The following PEX14 variants were observed in gnomAD, a reference collection of about 807,000 sequenced individuals.
The protein encoded by PEX14 is peroxisomal biogenesis factor 14.
PEX14 carries 15 observed loss-of-function variants against 49.5 expected under a neutral mutation model. The ratio of observed to expected loss-of-function variants is 0.30; its 90% CI spans 0.20 to 0.47. PEX14 has a LOEUF of 0.47. Ranked by LOEUF, PEX14 falls within the 20% of genes least tolerant of loss-of-function variation. The probability of loss-of-function intolerance (pLI) is 1.00; values close to 1 mark genes in which losing one functional copy is unlikely to be tolerated. For missense variants in PEX14, 398 were observed against 494.8 expected, an observed-to-expected ratio of 0.80 and a Z score of 1.86; for synonymous variants, 210 against 212.7, an observed-to-expected ratio of 0.99 and a Z score of 0.11.
chr1:10,541,788 C>T (rs1639023095), intron 3 of PEX14, among the ~76,000 whole-genome samples: 1 of 152,214 alleles, frequency 6.6e-6, no homozygotes. Flanking sequence ...AGACCTACGG[C>T]AGCTAGGCCA....
At chr1:10,538,594 C>G (rs1638908145) in intron 3 of PEX14, among the ~76,000 whole-genome samples, 2 of 152,226 alleles carry the variant, frequency 1.3e-5, no homozygotes, top group Non-Finnish European at 2.9e-5. Flanking sequence ...TGATCGGTGT[C>G]TGGGGAAGAA....
chr1:10,567,091 C>T (rs1385313383), intron 3 of PEX14, among the ~76,000 whole-genome samples: 1 of 152,138 alleles, frequency 6.6e-6, no homozygotes, highest in Non-Finnish European at 1.5e-5. Flanking sequence ...AGAAATAAAA[C>T]TTTATTTATG....
At chr1:10,505,901 G>A (rs567999167) in intron 2 of PEX14, among the ~76,000 whole-genome samples, 1 of 152,146 alleles carries the variant, frequency 6.6e-6, no homozygotes, top group African/African-American at 2.4e-5. Flanking sequence ...GGCTGGTCTT[G>A]AACTCCTGGC....
intron 2 of PEX14, chr1:10,528,235 C>G: frequency 2.6e-6 from 2 of 768,566 alleles, no homozygotes; most frequent in Non-Finnish European, 3.2e-6. Context: ...TCGTCTCCTT[C>G]CTAATCATCC....
intron 2 of PEX14, among the ~76,000 whole-genome samples, chr1:10,501,690 G>A (rs556304251): frequency 6.6e-6 from 1 of 152,160 alleles, no homozygotes; most frequent in African/African-American, 2.4e-5. Flanking sequence ...AGAGGCGGGA[G>A]GATTGCTTGA....
chr1:10,484,438 G>A (rs1399434416), intron 1 of PEX14, among the ~76,000 whole-genome samples: 2 of 151,728 alleles, frequency 1.3e-5, no homozygotes, highest in African/African-American at 2.4e-5. Flanking sequence ...CTCCCAATGT[G>A]TTGGGATTAC....
At chr1:10,598,537 G>A (rs188187695) in intron 3 of PEX14, among the ~76,000 whole-genome samples, 56 of 152,306 alleles carry the variant, frequency 3.7e-4, no homozygotes, top group Non-Finnish European at 7.5e-4. Flanking sequence ...TCCCATGTAT[G>A]GTGTGGTTTA....
intron 3 of PEX14, among the ~76,000 whole-genome samples, chr1:10,577,444 T>A (rs1331183307): frequency 7.2e-6 from 1 of 139,630 alleles, no homozygotes; most frequent in African/African-American, 2.7e-5. Context: ...TTCTGAGAGT[T>A]CTTGGCTTTC....
intron 2 of PEX14, chr1:10,528,412 A>G (rs545627218): frequency 2.8e-6 from 1 of 363,150 alleles, no homozygotes; most frequent in Admixed American, 6.4e-5. Context: ...GGTGGAGAGA[A>G]AGAGACTAGG....
intron 1 of PEX14, among the ~76,000 whole-genome samples, chr1:10,489,993 A>G (rs1362057349): frequency 6.6e-6 from 1 of 152,180 alleles, no homozygotes; most frequent in Non-Finnish European, 1.5e-5. Context: ...TCACTCCATC[A>G]TGACCCGAAG....
intron 3 of PEX14, among the ~76,000 whole-genome samples, chr1:10,547,169 C>T (rs1485752178): frequency 6.6e-6 from 1 of 152,150 alleles, no homozygotes; most frequent in African/African-American, 2.4e-5. Context: ...AACGACAGGA[C>T]ACTGGAATGT....
chr1:10,624,844 C>G (rs989050567), intron 7 of PEX14, among the ~76,000 whole-genome samples: 26 of 152,216 alleles, frequency 1.7e-4, no homozygotes, highest in African/African-American at 5.8e-4. Flanking sequence ...AGGGGAGAAG[C>G]GAGTCGCAGT....
At chr1:10,555,021 G>A (rs927460481) in intron 3 of PEX14, among the ~76,000 whole-genome samples, 3 of 152,078 alleles carry the variant, frequency 2.0e-5, no homozygotes, top group Non-Finnish European at 2.9e-5. Flanking sequence ...CAGCCTTCCC[G>A]TGGAAAGCAG....
intron 4 of PEX14, among the ~76,000 whole-genome samples, chr1:10,612,140 T>C (rs147526300): frequency 6.6e-6 from 1 of 152,362 alleles, no homozygotes; most frequent in African/African-American, 2.4e-5. Context: ...TGTTTAGGTG[T>C]GACCCATTTT....
In PEX14 at chr1:10,529,072, G is replaced by C. The variant is rs1304932489; in HGVS notation, c.85-7141G>C. On this transcript the variant is annotated intron_variant, in intron 2 of 8. Coordinates refer to ENST00000356607, the MANE Select transcript of PEX14 (RefSeq NM_004565.3). This position sits in a 1 kb window ranked among gnomAD's most constrained non-coding sequence, Gnocchi z 4.2. ...TCTTTGGGTAACTGCTTTGTTGGTTGCATCAAAAATTAGAGGGGCTGCTAT... is the reference window on the plus strand; with the variant it reads ...TCTTTGGGTAACTGCTTTGTTGGTTCCATCAAAAATTAGAGGGGCTGCTAT... 6.6e-6 allele frequency among the ~76,000 whole-genome samples: 1 copy of C among 152,200 alleles called. No homozygotes were observed. Among genetic ancestry groups the C allele is most frequent in the African/African-American group, 2.4e-5 (1 of 41,448 alleles).
intron 2 of PEX14, among the ~76,000 whole-genome samples, chr1:10,496,559 T>C (rs1372764147): frequency 1.3e-5 from 2 of 152,098 alleles, no homozygotes; most frequent in African/African-American, 2.4e-5. Flanking sequence ...TCCTCTCTCT[T>C]TTCAAATTTT....
intron 4 of PEX14, among the ~76,000 whole-genome samples, chr1:10,608,114 T>G (rs1641175621): frequency 1.3e-5 from 2 of 152,144 alleles, no homozygotes; most frequent in African/African-American, 4.8e-5. Context: ...ACTACAGGTG[T>G]GTGCCACCAC....
chr1:10,528,420 A>G (rs2124468050), intron 2 of PEX14: 1 of 303,044 alleles, frequency 3.3e-6, no homozygotes, highest in East Asian at 1.7e-4. Context: ...GAAAGAGACT[A>G]GGAAATAGAG....
chr1:10,586,434 C>T (rs898004392), intron 3 of PEX14, among the ~76,000 whole-genome samples: 7 of 151,922 alleles, frequency 4.6e-5, no homozygotes, highest in Admixed American at 3.9e-4. Context: ...GATGTGCACT[C>T]TATAATCGAG....
Sources: allele counts gnomAD v4.1 joint callset (sites outside exome capture counted in the v4.1 genomes callset), GRCh38; gene constraint gnomAD v4.1.1; non-coding constraint Gnocchi (gnomAD v3.1); transcripts MANE v1.5; gene names NCBI Gene and HGNC (gene_info 2026-07-23, HGNC 2026-07-21).